Variants in NCOA1 observed in about 807,000 individuals in gnomAD.
The protein encoded by NCOA1 is Hin-2 protein.
A neutral mutation model predicts 150.9 loss-of-function variants in NCOA1; 35 were observed. That is an observed-to-expected ratio of 0.23 (90% CI 0.18 to 0.31). The LOEUF (loss-of-function observed/expected upper bound fraction) is 0.31. Among genes scored for constraint, NCOA1 ranks in the 10% least tolerant of loss-of-function variants. NCOA1 has a pLI of 1.00. For missense variants in NCOA1, 1,491 were observed against 1,749.3 expected, an observed-to-expected ratio of 0.85 and a Z score of 2.63; for synonymous variants, 590 against 630.0, an observed-to-expected ratio of 0.94 and a Z score of 0.95.
At chr2:24,551,076 CAG>C (rs1665811983) in intron 1 of NCOA1, among the ~76,000 whole-genome samples, 1 of 139,690 alleles carries the variant, frequency 7.2e-6, no homozygotes, top group African/African-American at 2.7e-5. Context: ...GCCTGGGTGA[CAG>C]AGGAAGACTT....
intron 1 of NCOA1, among the ~76,000 whole-genome samples, chr2:24,523,605 CAAA>C (rs979559677): frequency 1.6e-3 from 28 of 17,702 alleles, no homozygotes; most frequent in East Asian, 1.9e-3. Flanking sequence ...GACTCCGTCT[CAAA>C]AAAAAAAAAA....
chr2:24,549,859 C>T (rs1003630312), intron 1 of NCOA1, among the ~76,000 whole-genome samples: 20 of 152,136 alleles, frequency 1.3e-4, no homozygotes, highest in South Asian at 4.1e-4. Context: ...CATGAGCCAC[C>T]GCACCCAGCC....
Position 24,632,046 on chromosome 2 carries a change from G to C in NCOA1, c.-174-11920G>C, listed in dbSNP as rs183355432. The stretch of plus-strand genomic sequence containing the variant: ...ATATAGTATTTGGTTCCATGTAAAA[G>C]TGGTAGATTGAGCACTTAGTATTGT... On this transcript the variant is annotated intron_variant, in intron 3 of 22. Transcript: ENST00000348332. Among the ~76,000 whole-genome samples, 15 of 146,954 alleles carry C rather than the reference G, an allele frequency of 1.0e-4. No individual in the cohort carries two copies. The East Asian group carries it at 2.7e-3, about 27-fold the overall frequency.
chr2:24,694,448 T>G (rs1255018872), intron 10 of NCOA1, among the ~76,000 whole-genome samples: 2 of 152,242 alleles, frequency 1.3e-5, no homozygotes, highest in East Asian at 3.8e-4. Context: ...GTGTACATTT[T>G]GACTTTTACC....
chr2:24,548,816 G>A (rs563695545), intron 1 of NCOA1, among the ~76,000 whole-genome samples: 1 of 152,218 alleles, frequency 6.6e-6, no homozygotes, highest in Non-Finnish European at 1.5e-5. Flanking sequence ...GGGTTCCCAA[G>A]GTTTTGGGCA....
chr2:24,558,255 A>C (rs1182528927), intron 1 of NCOA1, among the ~76,000 whole-genome samples: 3 of 152,122 alleles, frequency 2.0e-5, no homozygotes, highest in African/African-American at 7.2e-5. Context: ...GAGCCAGTCA[A>C]AGTGCTGCTG....
intron 17 of NCOA1, among the ~76,000 whole-genome samples, chr2:24,733,544 G>T (rs1202969115): frequency 6.6e-6 from 1 of 152,046 alleles, no homozygotes; most frequent in East Asian, 1.9e-4. Flanking sequence ...CGGAGTTCAA[G>T]ACCACCCTGC....
chr2:24,696,518 T>A (rs1672906098), intron 10 of NCOA1, among the ~76,000 whole-genome samples: 1 of 152,228 alleles, frequency 6.6e-6, no homozygotes, highest in Non-Finnish European at 1.5e-5. Flanking sequence ...AGATTAGCAC[T>A]AACTCTTACA....
At chr2:24,750,260 G>A (rs1207396000) in intron 19 of NCOA1, among the ~76,000 whole-genome samples, 1 of 152,240 alleles carries the variant, frequency 6.6e-6, no homozygotes, top group East Asian at 1.9e-4. Flanking sequence ...ATCCTAAAAT[G>A]TATATGAAAA....
At chr2:24,639,711 A>G (rs921791388) in intron 3 of NCOA1, among the ~76,000 whole-genome samples, 10 of 150,972 alleles carry the variant, frequency 6.6e-5, no homozygotes, top group Non-Finnish European at 1.2e-4. Flanking sequence ...ACATAATGAA[A>G]CCCCATCTCT....
At position 24,597,788 on chromosome 2, in the gene NCOA1, T is replaced by A. The variant is rs370825194; in HGVS notation, c.-175+13228T>A. On this transcript the variant is annotated intron_variant, in intron 3 of 22. Transcript: ENST00000348332. ...ATTTAAATGTGAATCTCTTTTTTTT[T>A]ATTATTATACTTTAAGTTCTAGGGC... Among the ~76,000 whole-genome samples, 34 of 152,324 alleles carry A rather than the reference T, an allele frequency of 2.2e-4. No homozygotes were observed. In the South Asian group the frequency reaches 7.0e-3, roughly 32 times the overall value.
rs545360485 is a variant in NCOA1 at position 24,536,528 on chromosome 2, A to T, written c.-395-27767A>T. 2.2e-4 allele frequency among the ~76,000 whole-genome samples: 33 copies of T among 152,292 alleles called. 1 individual carries two copies. In the South Asian group the frequency reaches 6.8e-3, roughly 32 times the overall value. Reference sequence around the variant, plus strand: ...AAGCTGCAATTCTTTGGAGAAGAAGAGTCGCTCTGGTTTTTAGAAACCAGC... The same window carrying T: ...AAGCTGCAATTCTTTGGAGAAGAAGTGTCGCTCTGGTTTTTAGAAACCAGC... On this transcript the variant is annotated intron_variant, in intron 1 of 22. Coordinates refer to ENST00000348332, the MANE Select transcript of NCOA1 (RefSeq NM_003743.5).
At chr2:24,548,109 T>C (rs1665678965) in intron 1 of NCOA1, among the ~76,000 whole-genome samples, 1 of 152,136 alleles carries the variant, frequency 6.6e-6, no homozygotes, top group African/African-American at 2.4e-5. Flanking sequence ...CTCTGTTTTC[T>C]TACTGCTGAT....
chr2:24,639,914 GTGTATATATATATATATATATA>G (rs1670112341), intron 3 of NCOA1, among the ~76,000 whole-genome samples: 1 of 19,570 alleles, frequency 5.1e-5, no homozygotes, highest in South Asian at 2.7e-3. Flanking sequence ...GTATGTGTGT[GTGTATATATATATATATATATA>G]TATATATATA....
intron 8 of NCOA1, among the ~76,000 whole-genome samples, chr2:24,685,180 C>G (rs1023924096): frequency 2.0e-5 from 3 of 151,722 alleles, no homozygotes; most frequent in Non-Finnish European, 2.9e-5. Flanking sequence ...TTTGTTCTTT[C>G]CAAGGAGAAA....
chr2:24,623,359 A>C (rs1025754650), intron 3 of NCOA1, among the ~76,000 whole-genome samples: 1 of 152,200 alleles, frequency 6.6e-6, no homozygotes, highest in Non-Finnish European at 1.5e-5. Context: ...AGCCCAGCTT[A>C]TATGGATTAC....
At chr2:24,645,862 T>C (rs914306333) in intron 4 of NCOA1, among the ~76,000 whole-genome samples, 1 of 152,184 alleles carries the variant, frequency 6.6e-6, no homozygotes, top group Non-Finnish European at 1.5e-5. Flanking sequence ...AATAAATGAA[T>C]TAAGTATTCT....
chr2:24,570,121 A>G (rs1194934464), intron 2 of NCOA1, among the ~76,000 whole-genome samples: 6 of 147,796 alleles, frequency 4.1e-5, no homozygotes, highest in Non-Finnish European at 8.9e-5. Context: ...GTCTTGCTAT[A>G]TAATTTCTGG....
intron 3 of NCOA1, among the ~76,000 whole-genome samples, chr2:24,589,232 C>T (rs899315662): frequency 2.0e-5 from 3 of 152,224 alleles, no homozygotes; most frequent in African/African-American, 7.2e-5. Context: ...CCAGAACTAT[C>T]GTTTGAGGTA....
Sources: allele counts gnomAD v4.1 joint callset (sites outside exome capture counted in the v4.1 genomes callset), GRCh38; gene constraint gnomAD v4.1.1; transcripts MANE v1.5; gene names NCBI Gene and HGNC (gene_info 2026-07-23, HGNC 2026-07-21).